The following CCDC171 variants were observed in gnomAD, a reference collection of about 807,000 sequenced individuals.
CCDC171 encodes the protein coiled-coil domain containing 171, also known as coiled-coil domain-containing protein 171.
A neutral mutation model predicts 168.2 loss-of-function variants in CCDC171; 177 were observed. That is an observed-to-expected ratio of 1.05 (90% confidence interval 0.93 to 1.19). The LOEUF is 1.19. Ranked by LOEUF, CCDC171 falls within the 50% of genes most tolerant of loss-of-function variation. The pLI, the probability that CCDC171 is intolerant of heterozygous loss-of-function variation, is 0.00. For synonymous variants in CCDC171, 687 were observed against 540.8 expected, an observed-to-expected ratio of 1.27 and a Z score of -3.75; for missense variants, 1,991 against 1,539.0, an observed-to-expected ratio of 1.29 and a Z score of -4.91.
chr9:15,650,506 G>A (rs7023275), intron 7 of CCDC171, among the ~76,000 whole-genome samples: 78,005 of 151,882 alleles, frequency 0.51, 20,763 homozygotes, highest in African/African-American at 0.64. Flanking sequence ...GCATTATTTC[G>A]TACAGTTATT....
At chr9:15,563,639 A>G (rs919958302) in intron 1 of CCDC171, among the ~76,000 whole-genome samples, 2 of 152,180 alleles carry the variant, frequency 1.3e-5, no homozygotes, top group East Asian at 3.8e-4. Context: ...GTCCCTGGAT[A>G]GATGAGATCT....
intron 1 of CCDC171, among the ~76,000 whole-genome samples, chr9:15,558,519 G>A (rs1174658551): frequency 3.3e-5 from 5 of 152,118 alleles, no homozygotes; most frequent in Admixed American, 6.5e-5. Flanking sequence ...GTTTATTTGC[G>A]TAGTGGTGTT....
rs200789817 is a variant in CCDC171 at position 15,822,813 on chromosome 9, T to G, written c.3268-23889T>G. On this transcript the variant is annotated intron_variant, in intron 21 of 25. Coordinates refer to ENST00000380701, the MANE Select transcript of CCDC171 (RefSeq NM_173550.4). ...GGATCTAGAACTAGAAATGCCATTTTACCCAGCCATCGCATTGCTGGGTAT... is the reference window on the plus strand; with the variant it reads ...GGATCTAGAACTAGAAATGCCATTTGACCCAGCCATCGCATTGCTGGGTAT... 1.7e-4 allele frequency among the ~76,000 whole-genome samples: 26 copies of G among 152,258 alleles called. No homozygotes were observed. In the South Asian group the frequency reaches 3.9e-3, roughly 23 times the overall value.
In CCDC171 at chr9:15,853,521, A is replaced by T. The variant is rs140896771; in HGVS notation, c.3468+4574A>T. Among the ~76,000 whole-genome samples, 1,146 of 151,678 alleles carry T rather than the reference A, an allele frequency of 7.6e-3. 10 individuals carry two copies. The highest frequency in any genetic ancestry group is 0.02 in the Middle Eastern group (6 of 294). The stretch of plus-strand genomic sequence containing the variant: ...GTATAGCTTCTTTAGGATTTTCTAC[A>T]TGTAAGATTATGTTATCTATGAGTA... On this transcript the variant is annotated intron_variant, in intron 23 of 25. Coordinates refer to ENST00000380701, the MANE Select transcript of CCDC171 (RefSeq NM_173550.4).
chr9:15,846,118 A>T (rs1373767386), intron 21 of CCDC171, among the ~76,000 whole-genome samples: 1 of 152,088 alleles, frequency 6.6e-6, no homozygotes, highest in East Asian at 1.9e-4. Context: ...CCTTGACGTG[A>T]GAGTTATTTA....
chr9:15,680,951 G>A (rs1429373455), intron 10 of CCDC171, among the ~76,000 whole-genome samples: 1 of 152,050 alleles, frequency 6.6e-6, no homozygotes, highest in African/African-American at 2.4e-5. Flanking sequence ...TGGTTTTCTA[G>A]CACTTTAGTG....
At chr9:15,943,260 A>G (rs1045880168) in intron 25 of CCDC171, among the ~76,000 whole-genome samples, 5 of 152,016 alleles carry the variant, frequency 3.3e-5, no homozygotes, top group African/African-American at 1.2e-4. Context: ...GAGCAGAGAT[A>G]TTTAAAAGGA....
At chr9:15,814,899 A>G (rs1167971023) in intron 21 of CCDC171, among the ~76,000 whole-genome samples, 1 of 152,166 alleles carries the variant, frequency 6.6e-6, no homozygotes, top group African/African-American at 2.4e-5. Context: ...TGACATCCTA[A>G]TGGTTGGTGA....
At chr9:15,612,162 T>G (rs2043745952) in intron 6 of CCDC171, among the ~76,000 whole-genome samples, 1 of 152,194 alleles carries the variant, frequency 6.6e-6, no homozygotes, top group Admixed American at 6.5e-5. Flanking sequence ...AACTGCCTAG[T>G]TTATGGTATA....
At chr9:16,003,907 A>G (rs921480267) in intron 3 of CCDC171, among the ~76,000 whole-genome samples, 4 of 152,350 alleles carry the variant, frequency 2.6e-5, no homozygotes, top group African/African-American at 9.6e-5. Context: ...CAGAAGCTGA[A>G]GAGGTGAGGG....
intron 11 of CCDC171, among the ~76,000 whole-genome samples, 198 bp downstream of exon 11, chr9:15,695,535 C>G (rs954663): frequency 0.46 from 69,231 of 151,968 alleles, 16,090 homozygotes; most frequent in Non-Finnish European, 0.5. Context: ...TGCTGTTGTC[C>G]TCCCAGAACT....
At chr9:16,007,914 A>G (rs1258227721) in intron 3 of CCDC171, among the ~76,000 whole-genome samples, 1 of 151,890 alleles carries the variant, frequency 6.6e-6, no homozygotes, top group African/African-American at 2.4e-5. Flanking sequence ...TTCTTTGCCC[A>G]TTTTCAATTG....
rs1833772885 is a variant in CCDC171 at position 16,052,802 on chromosome 9, C to T, written n.90-7844C>T. On this transcript the variant is annotated intron_variant and non_coding_transcript_variant, in intron 1 of 1. Coordinates refer to the CCDC171 transcript ENST00000478913. Reference sequence around the variant, plus strand: ...TCTTTCCTCCCCCAACCCACCGCCCCCCATTACACTTTGAGAAGTTGTTAA... The same window carrying T: ...TCTTTCCTCCCCCAACCCACCGCCCTCCATTACACTTTGAGAAGTTGTTAA... 2.0e-5 allele frequency among the ~76,000 whole-genome samples: 3 copies of T among 151,916 alleles called. No homozygotes were observed. The South Asian group carries it at 6.3e-4, about 32-fold the overall frequency.
intron 10 of CCDC171, among the ~76,000 whole-genome samples, chr9:15,688,812 C>G (rs774214748): frequency 2.0e-5 from 3 of 152,148 alleles, no homozygotes; most frequent in Non-Finnish European, 2.9e-5. Context: ...GATGTACACT[C>G]TCACCATGTC....
chr9:15,875,874 A>G (rs1817771861), intron 24 of CCDC171: 1 of 152,074 alleles, frequency 6.6e-6, no homozygotes, highest in Admixed American at 6.6e-5. Flanking sequence ...GTTATAGGGT[A>G]GATTGCTGTA....
At chr9:15,822,399 C>T (rs1286044656) in intron 21 of CCDC171, among the ~76,000 whole-genome samples, 1 of 151,580 alleles carries the variant, frequency 6.6e-6, no homozygotes, top group Non-Finnish European at 1.5e-5. Context: ...AACAGGCAAC[C>T]TACAGAATGG....
intron 1 of CCDC171, among the ~76,000 whole-genome samples, chr9:16,045,504 C>G (rs925548427): frequency 2.0e-5 from 3 of 152,198 alleles, no homozygotes; most frequent in Admixed American, 6.5e-5. Flanking sequence ...TTGTAACAAT[C>G]AAGAATGTCT....
At chr9:15,556,132 C>T (rs978268807) in intron 1 of CCDC171, among the ~76,000 whole-genome samples, 12 of 152,084 alleles carry the variant, frequency 7.9e-5, no homozygotes, top group South Asian at 2.1e-4. Flanking sequence ...TGAATGGTGC[C>T]GCAATAAACA....
At position 15,982,797 on chromosome 9, in the gene CCDC171, A is replaced by G. The variant is rs189579454; in HGVS notation, n.369-37792A>G. 4.1e-3 allele frequency among the ~76,000 whole-genome samples: 620 copies of G among 152,198 alleles called. 4 individuals are homozygous for G. The highest frequency in any genetic ancestry group is 6.8e-3 in the Middle Eastern group (2 of 294). On this transcript the variant is annotated intron_variant and non_coding_transcript_variant, in intron 3 of 9. Transcript: ENST00000486641. ...TTAAGAACCTAAAAGAGTCTTCACG[A>G]TTCATTTCCCTGCACTCTTCTGTGT...
Sources: gnomAD v4.1 joint callset for allele counts (sites outside exome capture counted in the v4.1 genomes callset) on GRCh38, gnomAD v4.1.1 for gene constraint, MANE v1.5 for transcripts, NCBI Gene and HGNC (gene_info 2026-07-23, HGNC 2026-07-21) for gene names.